PACS1: variants seen among roughly 807,000 people sequenced by gnomAD.
PACS1 encodes the protein phosphofurin acidic cluster sorting protein 1.
PACS1 carries 24 observed loss-of-function variants against 115.0 expected under a neutral mutation model. The ratio of observed to expected loss-of-function variants is 0.21; its 90% CI spans 0.15 to 0.29. The LOEUF is 0.29. Among genes scored for constraint, PACS1 ranks in the 10% least tolerant of loss-of-function variants. The pLI is 1.00. For synonymous variants in PACS1, 453 were observed against 504.5 expected, an observed-to-expected ratio of 0.90 and a Z score of 1.37; for missense variants, 838 against 1,251.2, an observed-to-expected ratio of 0.67 and a Z score of 4.98.
At chr11:66,084,175 A>G (rs1857530005) in intron 1 of PACS1, 1 of 152,284 alleles carries the variant, frequency 6.6e-6, no homozygotes, top group Non-Finnish European at 1.5e-5. Flanking sequence ...GGTTTTAAAC[A>G]AGGTGGTCTA....
chr11:66,230,989 A>T, intron 13 of PACS1, 49 bp downstream of exon 13: 1 of 1,609,674 alleles, frequency 6.2e-7, no homozygotes, highest in Non-Finnish European at 8.5e-7. Context: ...GATTCCCTGA[A>T]CTTCAGGCTC....
chr11:66,228,395 A>C (rs2134730903), intron 11 of PACS1, among the ~76,000 whole-genome samples: 1 of 152,288 alleles, frequency 6.6e-6, no homozygotes, highest in South Asian at 2.1e-4. Context: ...GACTACATTA[A>C]AGATCTTATG....
chr11:66,217,441 C>T (rs1855239438), intron 7 of PACS1: 1 of 415,248 alleles, frequency 2.4e-6, no homozygotes, highest in Admixed American at 2.6e-5. Flanking sequence ...GCCAGAAGTG[C>T]TGGGAGCATT....
chr11:66,202,726 G>GGGGAAAAAAAAAAAAAAAA (rs1554988658), intron 2 of PACS1, among the ~76,000 whole-genome samples: 1 of 10,958 alleles, frequency 9.1e-5, no homozygotes, highest in African/African-American at 2.4e-4. Flanking sequence ...TCATCTCTAG[G>GGGGAAAAAAAAAAAAAAAA]AAAAAAAAAA....
At chr11:66,196,837 A>G (rs1408066832) in intron 2 of PACS1, among the ~76,000 whole-genome samples, 3 of 152,112 alleles carry the variant, frequency 2.0e-5, no homozygotes, top group Admixed American at 1.3e-4. Context: ...ACCTCAGGTA[A>G]TCTGCCCACC....
intron 11 of PACS1, 113 bp downstream of exon 11, chr11:66,227,697 G>C (rs933458194): frequency 2.3e-5 from 15 of 645,810 alleles, no homozygotes; most frequent in Non-Finnish European, 3.8e-5. Context: ...AAATCTGCAG[G>C]CTTATGAATG....
rs146466479 is a variant in PACS1 at position 66,173,788 on chromosome 11, C to A, written c.357-19698C>A. On this transcript the variant is annotated intron_variant, in intron 1 of 23. Coordinates refer to ENST00000320580, the MANE Select transcript of PACS1 (RefSeq NM_018026.4). ...AAGATTCGGGCCAGGCGTGGTGGCT[C>A]ACACCTGTAATCCCAGCACTTTGGG... 9.7e-3 allele frequency among the ~76,000 whole-genome samples: 1,470 copies of A among 152,252 alleles called. 26 individuals carry two copies. The highest frequency in any genetic ancestry group is 0.033 in the African/African-American group (1,353 of 41,522).
chr11:66,152,647 G>A (rs571081758), intron 1 of PACS1, among the ~76,000 whole-genome samples: 79 of 152,282 alleles, frequency 5.2e-4, no homozygotes, highest in African/African-American at 1.7e-3. Context: ...TGAGTGTGAC[G>A]ATTGGGTGTT....
intron 2 of PACS1, among the ~76,000 whole-genome samples, chr11:66,199,691 G>A (rs1431546072): frequency 6.6e-6 from 1 of 152,142 alleles, no homozygotes; most frequent in Non-Finnish European, 1.5e-5. Context: ...ACAAAATTCT[G>A]CAATCAAAAG....
At chr11:66,127,171 G>A (rs1366159303) in intron 1 of PACS1, among the ~76,000 whole-genome samples, 6 of 152,210 alleles carry the variant, frequency 3.9e-5, no homozygotes, top group Non-Finnish European at 8.8e-5. Context: ...TCTACACAAT[G>A]TCTGTAGTCC....
chr11:66,220,545 G>T, intron 8 of PACS1, 86 bp from the exon 9 acceptor site: 9 of 1,326,474 alleles, frequency 6.8e-6, no homozygotes, highest in Non-Finnish European at 8.6e-6. Context: ...AGGACTATAA[G>T]GGCAGCCCAG....
chr11:66,083,517 A>G (rs1164023370), intron 1 of PACS1, among the ~76,000 whole-genome samples: 1 of 152,184 alleles, frequency 6.6e-6, no homozygotes, highest in Non-Finnish European at 1.5e-5. Flanking sequence ...GAAATGGGTC[A>G]TGGTCTCCCA....
intron 16 of PACS1, 82 bp downstream of exon 16, chr11:66,234,021 TG>T: frequency 6.4e-7 from 1 of 1,572,420 alleles, no homozygotes; most frequent in Non-Finnish European, 8.7e-7. Flanking sequence ...ACGGTGGGGT[TG>T]GGGCCTAGGA....
intron 1 of PACS1, among the ~76,000 whole-genome samples, chr11:66,162,131 T>G (rs2134626948): frequency 7.3e-6 from 1 of 136,670 alleles, no homozygotes; most frequent in African/African-American, 2.7e-5. Flanking sequence ...TTTTTTTTTT[T>G]TTTTTTTTTT....
intron 1 of PACS1, chr11:66,084,171 A>C (rs1283256329): frequency 6.6e-6 from 1 of 152,296 alleles, no homozygotes; most frequent in Admixed American, 6.5e-5. Flanking sequence ...TCACGGTTTT[A>C]AACAAGGTGG....
chr11:66,077,972 G>C (rs796794599), intron 1 of PACS1, among the ~76,000 whole-genome samples: 8 of 152,120 alleles, frequency 5.3e-5, no homozygotes, highest in Non-Finnish European at 8.8e-5. Context: ...AAGGTGCTGG[G>C]ATTACAGTTG....
chr11:66,138,401 CCCAGG>C (rs958326467), intron 1 of PACS1, among the ~76,000 whole-genome samples: 3 of 152,010 alleles, frequency 2.0e-5, no homozygotes, highest in African/African-American at 7.3e-5. Context: ...TTAATAAGTC[CCCAGG>C]CCATGCTGAT....
At chr11:66,184,595 CT>C (rs1860080284) in intron 1 of PACS1, among the ~76,000 whole-genome samples, 1 of 152,174 alleles carries the variant, frequency 6.6e-6, no homozygotes. Context: ...CAGACTTAGT[CT>C]AATGAGAGCT....
intron 1 of PACS1, among the ~76,000 whole-genome samples, chr11:66,143,365 C>T (rs913420787): frequency 6.6e-6 from 1 of 152,172 alleles, no homozygotes; most frequent in African/African-American, 2.4e-5. Context: ...ATGAGCTCTG[C>T]CCTGTCTGGG....
Sources: allele counts gnomAD v4.1 joint callset (sites outside exome capture counted in the v4.1 genomes callset), GRCh38; gene constraint gnomAD v4.1.1; transcripts MANE v1.5; gene names NCBI Gene and HGNC (gene_info 2026-07-23, HGNC 2026-07-21).